RBPJ: variants seen among roughly 807,000 people sequenced by gnomAD.
RBPJ encodes the protein recombination signal binding protein for immunoglobulin kappa J region, also known as recombining binding protein suppressor of hairless.
Under a neutral mutation model 67.8 loss-of-function variants are expected in RBPJ, and 9 were observed. That is an observed-to-expected ratio of 0.13 (90% CI 0.08 to 0.23). The LOEUF (loss-of-function observed/expected upper bound fraction) is 0.23. Ranked by LOEUF, RBPJ falls within the 10% of genes least tolerant of loss-of-function variation. The pLI is 1.00. For synonymous variants in RBPJ, 198 were observed against 203.3 expected (o/e 0.97, Z 0.22); for missense variants, 305 against 595.6 (o/e 0.51, Z 5.08).
At chr4:26,369,501 A>T (rs560148002) in intron 1 of RBPJ, among the ~76,000 whole-genome samples, 1 of 152,334 alleles carries the variant, frequency 6.6e-6, no homozygotes, top group Admixed American at 6.5e-5. Flanking sequence ...TTGTTTTTGT[A>T]GAAAAACCTG....
chr4:26,149,421 G>A, the RBPJ span, among the ~76,000 whole-genome samples: 1 of 152,196 alleles, frequency 6.6e-6, no homozygotes, highest in Non-Finnish European at 1.5e-5. Flanking sequence ...ACTAAGCAGT[G>A]TTACTTTCAA....
intron 1 of RBPJ, among the ~76,000 whole-genome samples, chr4:26,205,061 G>A (rs944300380): frequency 1.3e-5 from 2 of 152,158 alleles, no homozygotes; most frequent in South Asian, 2.1e-4. Flanking sequence ...GCAGAGTTAC[G>A]ACTGCAGGAT....
the RBPJ span, among the ~76,000 whole-genome samples, chr4:26,155,852 A>G: frequency 1.3e-5 from 2 of 152,308 alleles, no homozygotes; most frequent in East Asian, 3.9e-4. Flanking sequence ...TCATTTCACT[A>G]TTGGCAGTTT....
At chr4:26,220,888 T>C (rs550730340) in intron 1 of RBPJ, among the ~76,000 whole-genome samples, 1 of 152,236 alleles carries the variant, frequency 6.6e-6, no homozygotes, top group Admixed American at 6.5e-5. Flanking sequence ...GTGAGATCAC[T>C]ATGAGGAAAT....
At chr4:26,243,962 G>A (rs1374618775) in intron 1 of RBPJ, among the ~76,000 whole-genome samples, 1 of 151,730 alleles carries the variant, frequency 6.6e-6, no homozygotes, top group Admixed American at 6.6e-5. Flanking sequence ...GGGTGTGATC[G>A]TGCTTACCTG....
At chr4:26,198,055 C>T (rs1019766700) in intron 1 of RBPJ, among the ~76,000 whole-genome samples, 9 of 151,976 alleles carry the variant, frequency 5.9e-5, no homozygotes, top group South Asian at 2.1e-4. Context: ...GTCAGGAGTT[C>T]GAGACCAGCC....
intron 1 of RBPJ, among the ~76,000 whole-genome samples, chr4:26,230,975 C>T (rs1047953446): frequency 1.3e-5 from 2 of 152,142 alleles, no homozygotes; most frequent in African/African-American, 4.8e-5. Context: ...GAATAAACCC[C>T]TCCCCCAGGC....
intron 1 of RBPJ, among the ~76,000 whole-genome samples, chr4:26,367,084 A>G (rs182858778): frequency 2.5e-3 from 381 of 152,220 alleles, no homozygotes; most frequent in Non-Finnish European, 4.5e-3. Flanking sequence ...AGGTCGCGCC[A>G]CTGCACTTCA....
chr4:26,200,169 A>AGTGAAGTTAGCAAAGTCCTTC (rs1717933815), intron 1 of RBPJ, among the ~76,000 whole-genome samples: 1 of 152,234 alleles, frequency 6.6e-6, no homozygotes, highest in Non-Finnish European at 1.5e-5. Flanking sequence ...TAGGACTTTG[A>AGTGAAGTTAGCAAAGTCCTTC]GTGAAGTTAG....
intron 1 of RBPJ, among the ~76,000 whole-genome samples, chr4:26,269,337 C>T (rs1229518324): frequency 6.6e-6 from 1 of 151,726 alleles, no homozygotes; most frequent in Non-Finnish European, 1.5e-5. Context: ...CTCACTGCAA[C>T]CTCTGCCTCC....
chr4:26,172,057 G>C (rs116549086), intron 1 of RBPJ, among the ~76,000 whole-genome samples: 6 of 152,200 alleles, frequency 3.9e-5, no homozygotes, highest in Non-Finnish European at 8.8e-5. Flanking sequence ...GGAGGGCAGC[G>C]AAGGCTGGAA....
chr4:26,365,100 T>A (rs1352224932), intron 1 of RBPJ, among the ~76,000 whole-genome samples: 1 of 150,814 alleles, frequency 6.6e-6, no homozygotes, highest in African/African-American at 2.4e-5. Flanking sequence ...ATGATTTATA[T>A]ATAGATAATT....
At chr4:26,341,772 C>G (rs151019690) in intron 1 of RBPJ, among the ~76,000 whole-genome samples, 67 of 152,086 alleles carry the variant, frequency 4.4e-4, no homozygotes, top group Non-Finnish European at 8.2e-4. Flanking sequence ...ACAGAAAGAA[C>G]CCTTCAGAGG....
chr4:26,296,476 C>T (rs1721878528), intron 1 of RBPJ, among the ~76,000 whole-genome samples: 1 of 152,070 alleles, frequency 6.6e-6, no homozygotes, highest in Non-Finnish European at 1.5e-5. Context: ...AATGGTTTAG[C>T]AAAGAAGGAC....
At chr4:26,238,528 TATC>T (rs1292283116) in intron 1 of RBPJ, among the ~76,000 whole-genome samples, 1 of 152,224 alleles carries the variant, frequency 6.6e-6, no homozygotes, top group African/African-American at 2.4e-5. Flanking sequence ...AGTTGTAGGG[TATC>T]ATCATTACTG....
intron 1 of RBPJ, among the ~76,000 whole-genome samples, chr4:26,210,686 CCTTTCTTT>C (rs1553849146): frequency 1.5e-5 from 1 of 65,432 alleles, no homozygotes; most frequent in African/African-American, 5.3e-5. Flanking sequence ...TTCTTTCTTT[CCTTTCTTT>C]CTTTCTTTCT....
At chr4:26,108,701 G>T in the RBPJ span, among the ~76,000 whole-genome samples, 1 of 152,222 alleles carries the variant, frequency 6.6e-6, no homozygotes, top group Non-Finnish European at 1.5e-5. Flanking sequence ...AACCAGCTAT[G>T]TTCTGGTAAG....
At chr4:26,347,154 C>T (rs1049291865) in intron 1 of RBPJ, among the ~76,000 whole-genome samples, 6 of 152,102 alleles carry the variant, frequency 3.9e-5, no homozygotes, top group South Asian at 2.1e-4. Context: ...GAGAAGATTT[C>T]GCTTCTGAAC....
chr4:26,299,837 C>G (rs972059090), intron 1 of RBPJ, among the ~76,000 whole-genome samples: 1 of 151,832 alleles, frequency 6.6e-6, no homozygotes, highest in Admixed American at 6.6e-5. Flanking sequence ...TGCCACCACG[C>G]CTGACTAATT....
Sources: allele counts gnomAD v4.1 joint callset (sites outside exome capture counted in the v4.1 genomes callset), GRCh38; gene constraint gnomAD v4.1.1; transcripts MANE v1.5; gene names NCBI Gene and HGNC (gene_info 2026-07-23, HGNC 2026-07-21).